The following SAMD5 variants were observed in gnomAD, a reference collection of about 807,000 sequenced individuals.
SAMD5 encodes sterile alpha motif domain-containing protein 5.
SAMD5 carries 13 observed loss-of-function variants against 11.3 expected under a neutral mutation model. The ratio of observed to expected loss-of-function variants is 1.15; its 90% CI spans 0.75 to 1.83. SAMD5 has a LOEUF of 1.83. SAMD5 is among the 40% of genes most tolerant of loss of function. The pLI, the probability that SAMD5 is intolerant of heterozygous loss-of-function variation, is 0.00. For missense variants in SAMD5, 255 were observed against 239.1 expected (o/e 1.07, Z -0.44); for synonymous variants, 129 against 111.3 (o/e 1.16, Z -1.00).
At chr6:147,799,957 G>T in the SAMD5 span, among the ~76,000 whole-genome samples, 3 of 151,802 alleles carry the variant, frequency 2.0e-5, no homozygotes, top group Non-Finnish European at 4.4e-5. Context: ...GGTTATTCTA[G>T]TTATACATTC....
intron 1 of SAMD5, among the ~76,000 whole-genome samples, chr6:147,710,574 T>G (rs1791384392): frequency 6.6e-6 from 1 of 152,106 alleles, no homozygotes; most frequent in Non-Finnish European, 1.5e-5. Context: ...TGTGGCAGCA[T>G]CACAGTGCTG....
chr6:147,713,639 T>C (rs1791428523), intron 1 of SAMD5, among the ~76,000 whole-genome samples: 1 of 152,138 alleles, frequency 6.6e-6, no homozygotes. Context: ...CCAAGAGTGT[T>C]TGGGGGAAAC....
chr6:147,512,650 T>G (rs1340134315), intron 1 of SAMD5, among the ~76,000 whole-genome samples: 1 of 152,056 alleles, frequency 6.6e-6, no homozygotes, highest in Non-Finnish European at 1.5e-5. Context: ...ATTGGAAGAG[T>G]TCCTCTTCTG....
chr6:147,721,945 AATTATG>A, intron 1 of SAMD5, among the ~76,000 whole-genome samples: 1 of 152,370 alleles, frequency 6.6e-6, no homozygotes, highest in East Asian at 1.9e-4. Context: ...TACAGAAACT[AATTATG>A]ATTAATGAGA....
chr6:147,772,660 C>T, the SAMD5 span, among the ~76,000 whole-genome samples: 4 of 152,114 alleles, frequency 2.6e-5, no homozygotes, highest in African/African-American at 7.2e-5. Flanking sequence ...TGGGTCCTCA[C>T]GGGGTCTTTC....
chr6:147,622,841 C>T (rs1789990573), intron 1 of SAMD5, among the ~76,000 whole-genome samples: 1 of 152,120 alleles, frequency 6.6e-6, no homozygotes, highest in Non-Finnish European at 1.5e-5. Context: ...GATGGGGAGG[C>T]CTCACAATCA....
At chr6:147,851,185 C>T in the SAMD5 span, among the ~76,000 whole-genome samples, 1 of 152,060 alleles carries the variant, frequency 6.6e-6, no homozygotes, top group African/African-American at 2.4e-5. Flanking sequence ...CCCAAGTGAT[C>T]CGCCTGCCTC....
At chr6:147,614,323 G>T (rs1460155008) in intron 1 of SAMD5, among the ~76,000 whole-genome samples, 6 of 151,776 alleles carry the variant, frequency 4.0e-5, no homozygotes, top group Admixed American at 3.3e-4. Flanking sequence ...CAAAAAATGA[G>T]CTGGGTGTGG....
intron 1 of SAMD5, among the ~76,000 whole-genome samples, chr6:147,631,695 C>A (rs1016853216): frequency 1.3e-5 from 2 of 152,180 alleles, no homozygotes; most frequent in Non-Finnish European, 1.5e-5. Context: ...AGTGTCTACC[C>A]AGACCAAGAG....
At chr6:147,670,067 G>T (rs989526539) in intron 1 of SAMD5, among the ~76,000 whole-genome samples, 3 of 152,202 alleles carry the variant, frequency 2.0e-5, no homozygotes, top group African/African-American at 7.2e-5. Flanking sequence ...CAGGAAGGAT[G>T]TTATTACCAA....
At chr6:147,806,861 G>A in the SAMD5 span, among the ~76,000 whole-genome samples, 183 of 152,210 alleles carry the variant, frequency 1.2e-3, 1 homozygote, top group African/African-American at 4.3e-3. Flanking sequence ...GGTCATGAGG[G>A]TGGGGCCCTC....
At chr6:147,514,205 G>A (rs891853429) in intron 1 of SAMD5, among the ~76,000 whole-genome samples, 2 of 151,974 alleles carry the variant, frequency 1.3e-5, no homozygotes, top group Non-Finnish European at 2.9e-5. Flanking sequence ...GGGAGCATTC[G>A]CTTCTGCTTC....
the SAMD5 span, among the ~76,000 whole-genome samples, chr6:147,853,628 A>ATT: frequency 1.4e-3 from 208 of 149,482 alleles, 2 homozygotes; most frequent in Non-Finnish European, 5.8e-4. Flanking sequence ...AAGCATGAGA[A>ATT]TTTTTTTTTT....
intron 1 of SAMD5, among the ~76,000 whole-genome samples, chr6:147,685,600 C>G (rs1242637538): frequency 1.3e-5 from 2 of 152,208 alleles, no homozygotes; most frequent in Admixed American, 6.5e-5. Flanking sequence ...GGCTGCATAT[C>G]TGGAGTCTTT....
At chr6:147,798,970 G>T in the SAMD5 span, among the ~76,000 whole-genome samples, 3 of 152,138 alleles carry the variant, frequency 2.0e-5, no homozygotes, top group African/African-American at 7.2e-5. Flanking sequence ...GTCTCTACAC[G>T]TGAGATGGAT....
At chr6:147,898,491 G>T in the SAMD5 span, among the ~76,000 whole-genome samples, 3 of 152,112 alleles carry the variant, frequency 2.0e-5, no homozygotes, top group Admixed American at 6.5e-5. Flanking sequence ...CCCTGCACAA[G>T]CATCTTTACT....
intron 1 of SAMD5, among the ~76,000 whole-genome samples, chr6:147,592,982 AT>A (rs1406127321): frequency 6.6e-6 from 1 of 151,992 alleles, no homozygotes; most frequent in East Asian, 1.9e-4. Context: ...TAGGTGTTTG[AT>A]TTTTTTAACA....
intron 1 of SAMD5, among the ~76,000 whole-genome samples, chr6:147,590,574 G>T (rs1789438455): frequency 6.6e-6 from 1 of 152,034 alleles, no homozygotes; most frequent in Non-Finnish European, 1.5e-5. Context: ...TGCCATGCCT[G>T]GTTAATTTTT....
At chr6:147,906,513 C>G in the SAMD5 span, among the ~76,000 whole-genome samples, 1 of 152,334 alleles carries the variant, frequency 6.6e-6, no homozygotes, top group East Asian at 1.9e-4. Context: ...TGAAAAGAAT[C>G]CATCTGGTGA....
Sources: gnomAD v4.1 joint callset for allele counts (sites outside exome capture counted in the v4.1 genomes callset) on GRCh38, gnomAD v4.1.1 for gene constraint, MANE v1.5 for transcripts, NCBI Gene and HGNC (gene_info 2026-07-23, HGNC 2026-07-21) for gene names.